EXOC6B: variants seen among roughly 807,000 people sequenced by gnomAD.
The protein encoded by EXOC6B is SEC15 homolog B.
In EXOC6B, 54 loss-of-function variants were observed where a neutral mutation model predicts 113.5. The observed-to-expected ratio is 0.48, with a 90% CI of 0.38 to 0.60. The LOEUF (loss-of-function observed/expected upper bound fraction) is 0.60, where lower values mean the gene tolerates loss of function less well. EXOC6B is among the 20% of genes least tolerant of loss of function. The pLI is 0.00. For synonymous variants in EXOC6B, 357 were observed against 339.0 expected (o/e 1.05, Z -0.58); for missense variants, 797 against 977.5 (o/e 0.82, Z 2.46).
chr2:72,730,991 T>TA lies in EXOC6B; in HGVS notation c.464+15dup, dbSNP rs771505655. 2.1e-4 allele frequency: 319 copies of TA among 1,499,562 alleles called. 3 individuals are homozygous for TA. Among genetic ancestry groups the TA allele is most frequent in the South Asian group, 1.6e-3 (124 of 76,174 alleles). 92.9% of individuals were successfully genotyped at this position (1,499,562 alleles called of 1,614,324 possible). On this transcript the variant is annotated intron_variant, in intron 5 of 21. Coordinates refer to ENST00000272427, the MANE Select transcript of EXOC6B (RefSeq NM_015189.3). The stretch of plus-strand genomic sequence containing the variant: ...TTTTAGATAGTAAAAACTGTTCGAT[T>TA]AAAAAAAAATCTTACCTTTTAGTTT...
chr2:72,485,577 A>T (rs1699382079), intron 16 of EXOC6B, among the ~76,000 whole-genome samples: 1 of 152,242 alleles, frequency 6.6e-6, no homozygotes, highest in Admixed American at 6.5e-5. Flanking sequence ...TACCATCTCC[A>T]TGATTAAAAT....
intron 7 of EXOC6B, among the ~76,000 whole-genome samples, chr2:72,560,355 A>T (rs545119013): frequency 6.6e-6 from 1 of 152,090 alleles, no homozygotes; most frequent in Non-Finnish European, 1.5e-5. Flanking sequence ...CAAAATAAAA[A>T]GAAAATGAAA....
At chr2:72,342,339 T>A (rs1018826858) in intron 19 of EXOC6B, among the ~76,000 whole-genome samples, 2 of 152,070 alleles carry the variant, frequency 1.3e-5, no homozygotes, top group East Asian at 3.9e-4. Context: ...CTTGAAAAGA[T>A]AAACAAAATT....
In EXOC6B at chr2:72,419,626, C is replaced by T. The variant is rs138664400; in HGVS notation, c.1981-39756G>A. Among the ~76,000 whole-genome samples the T allele has an allele frequency of 9.9e-4, 150 of 152,266 alleles. 1 individual carries two copies. Among genetic ancestry groups the T allele is most frequent in the African/African-American group, 3.1e-3 (127 of 41,560 alleles). ...TCTTTTAACACTTTGATATAACAGC[C>T]CACTGCCTTATGGCCTCCAACATTT... On this transcript the variant is annotated intron_variant, in intron 18 of 21. Transcript: ENST00000272427.
chr2:72,189,828 CTG>C (rs1250160702), intron 20 of EXOC6B, among the ~76,000 whole-genome samples: 1 of 126,256 alleles, frequency 7.9e-6, no homozygotes, highest in Non-Finnish European at 1.6e-5. Context: ...TTCATTCTCT[CTG>C]TCTCTCTCTC....
chr2:72,392,167 A>G (rs1380293542), intron 18 of EXOC6B, among the ~76,000 whole-genome samples: 2 of 152,182 alleles, frequency 1.3e-5, no homozygotes, highest in African/African-American at 4.8e-5. Flanking sequence ...GTTCAAAGGC[A>G]TGGATACACA....
intron 6 of EXOC6B, among the ~76,000 whole-genome samples, chr2:72,710,990 C>T (rs1033753003): frequency 6.6e-6 from 1 of 152,138 alleles, no homozygotes; most frequent in African/African-American, 2.4e-5. Context: ...AAGGCTCACA[C>T]AGAAATCAGC....
intron 18 of EXOC6B, chr2:72,464,258 C>G (rs1227611619): frequency 2.6e-5 from 4 of 152,258 alleles, no homozygotes; most frequent in African/African-American, 9.6e-5. Context: ...AGACATTTAC[C>G]AGATTCTAAA....
At chr2:72,441,688 C>T (rs912380940) in intron 18 of EXOC6B, among the ~76,000 whole-genome samples, 5 of 152,082 alleles carry the variant, frequency 3.3e-5, no homozygotes, top group African/African-American at 1.2e-4. Context: ...CAAGACTAAA[C>T]CAGGAAGAAA....
chr2:72,283,948 T>G (rs1685272585), intron 20 of EXOC6B, among the ~76,000 whole-genome samples: 1 of 152,090 alleles, frequency 6.6e-6, no homozygotes. Context: ...GTGGTCAATC[T>G]GAAAAAGCAT....
At chr2:72,429,400 A>G (rs1450561909) in intron 18 of EXOC6B, among the ~76,000 whole-genome samples, 1 of 152,238 alleles carries the variant, frequency 6.6e-6, no homozygotes, top group African/African-American at 2.4e-5. Flanking sequence ...ACCAAGAACA[A>G]GTAATGACAA....
At chr2:72,720,115 C>T (rs1039956307) in intron 5 of EXOC6B, among the ~76,000 whole-genome samples, 5 of 151,852 alleles carry the variant, frequency 3.3e-5, no homozygotes, top group African/African-American at 1.2e-4. Flanking sequence ...ATATTATAAT[C>T]CATAGAACAA....
chr2:72,825,630 C>T lies in EXOC6B; in HGVS notation c.113+168G>A, dbSNP rs553334642. On this transcript the variant is annotated intron_variant, in intron 1 of 21. Transcript: ENST00000272427. This position sits in a 1 kb window ranked among gnomAD's most constrained non-coding sequence, Gnocchi z 4.4. ...TGGGCTGTAGGGCGCCGGGAAGGGA[C>T]CCCGCGTCGGGGCTGCGAAGGGAGA... Among the ~76,000 whole-genome samples the T allele has an allele frequency of 2.0e-5, 3 of 152,314 alleles. No individual in the cohort carries two copies. In the South Asian group the frequency reaches 6.2e-4, roughly 32 times the overall value.
At chr2:72,447,297 T>C (rs1263764464) in intron 18 of EXOC6B, among the ~76,000 whole-genome samples, 1 of 152,186 alleles carries the variant, frequency 6.6e-6, no homozygotes, top group Non-Finnish European at 1.5e-5. Context: ...TTTTGTATCA[T>C]TAAAACTTAA....
At chr2:72,776,081 T>G (rs1683684645) in intron 1 of EXOC6B, among the ~76,000 whole-genome samples, 1 of 152,154 alleles carries the variant, frequency 6.6e-6, no homozygotes, top group Non-Finnish European at 1.5e-5. Flanking sequence ...TAAAAACATA[T>G]AGAGATAAAT....
At chr2:72,220,601 A>G (rs1455302706) in intron 20 of EXOC6B, among the ~76,000 whole-genome samples, 1 of 152,196 alleles carries the variant, frequency 6.6e-6, no homozygotes, top group Admixed American at 6.5e-5. Context: ...CATCCCTTCA[A>G]TGAAATTCAC....
intron 20 of EXOC6B, among the ~76,000 whole-genome samples, chr2:72,279,385 T>C (rs1304245315): frequency 2.4e-4 from 37 of 152,158 alleles, no homozygotes; most frequent in Non-Finnish European, 1.5e-5. Context: ...TTTAAATGGC[T>C]AGAGTAGAGG....
rs140648373 is a variant in EXOC6B at position 72,709,080 on chromosome 2, T to C, written c.669+9023A>G. On this transcript the variant is annotated intron_variant, in intron 6 of 21. Transcript: ENST00000272427. Reference sequence around the variant, plus strand: ...TTAAAAAAAAAAACTACTTTAGGGTTATTTGCTAAAACTTCTTCTCAAGAT... The same window carrying C: ...TTAAAAAAAAAAACTACTTTAGGGTCATTTGCTAAAACTTCTTCTCAAGAT... Among the ~76,000 whole-genome samples, 1,227 of 151,946 alleles carry C rather than the reference T, an allele frequency of 8.1e-3. 13 individuals carry two copies. Among genetic ancestry groups the C allele is most frequent in the Non-Finnish European group, 0.011 (757 of 67,958 alleles).
chr2:72,619,402 AT>A (rs1271633554), intron 6 of EXOC6B, among the ~76,000 whole-genome samples: 2 of 152,214 alleles, frequency 1.3e-5, no homozygotes, highest in African/African-American at 4.8e-5. Context: ...TTGTCCATCC[AT>A]TAAAAAAATG....
Sources: allele counts gnomAD v4.1 joint callset (sites outside exome capture counted in the v4.1 genomes callset), GRCh38; gene constraint gnomAD v4.1.1; non-coding constraint Gnocchi (gnomAD v3.1); transcripts MANE v1.5; gene names NCBI Gene and HGNC (gene_info 2026-07-23, HGNC 2026-07-21).